The following SMCO2 variants were observed in gnomAD, a reference collection of about 807,000 sequenced individuals.
SMCO2 encodes the protein single-pass membrane protein with coiled-coil domains 2.
In SMCO2, 25 loss-of-function variants were observed where a neutral mutation model predicts 29.5. The observed-to-expected ratio is 0.85, with a 90% confidence interval of 0.62 to 1.18. The LOEUF (loss-of-function observed/expected upper bound fraction) is 1.18, where lower values mean the gene tolerates loss of function less well. SMCO2 is among the 50% of genes most tolerant of loss of function. SMCO2 has a pLI of 0.00. For synonymous variants in SMCO2, 117 were observed against 123.3 expected (o/e 0.95, Z 0.34); for missense variants, 348 against 344.5 (o/e 1.01, Z -0.08).
chr12:27,494,148 C>T (rs895539726), intron 5 of SMCO2, 152 bp from the exon 7 acceptor site: 2 of 473,728 alleles, frequency 4.2e-6, no homozygotes, highest in Non-Finnish European at 7.5e-6. Flanking sequence ...TATGATTACA[C>T]TATGAATTTG....
chr12:27,451,464 C>T, the SMCO2 span, among the ~76,000 whole-genome samples: 1 of 152,026 alleles, frequency 6.6e-6, no homozygotes, highest in Non-Finnish European at 1.5e-5. Context: ...TATGTAGCCT[C>T]GTTTTATATG....
intron 2 of SMCO2, 53 bp downstream of exon 2, chr12:27,470,818 G>A (rs411432): frequency 0.11 from 164,312 of 1,533,490 alleles, 9,683 homozygotes; most frequent in African/African-American, 0.19. Flanking sequence ...AACTGCAGAC[G>A]TTCTTGGGCC....
chr12:27,485,738 C>T (rs1949684340), intron 4 of SMCO2, among the ~76,000 whole-genome samples: 1 of 152,148 alleles, frequency 6.6e-6, no homozygotes, highest in Admixed American at 6.5e-5. Context: ...TGAGCCACGG[C>T]ACTCAGCCTT....
At chr12:27,432,127 T>C in the SMCO2 span, among the ~76,000 whole-genome samples, 3 of 152,204 alleles carry the variant, frequency 2.0e-5, no homozygotes, top group Non-Finnish European at 2.9e-5. Context: ...TTTGTTGAGT[T>C]GTAGGAGTTT....
rs74769761 is a variant in SMCO2, at chr12:27,487,535, C to T, written c.363-925C>T. 6.6e-3 allele frequency among the ~76,000 whole-genome samples: 1,008 copies of T among 152,186 alleles called. 9 individuals carry two copies. Among genetic ancestry groups the T allele is most frequent in the African/African-American group, 0.022 (915 of 41,516 alleles). ...TATGAATAAAGCTGCTTTGAATATA[C>T]GCGTACTATGGGAAATAAGTCTTCA... is the stretch of plus-strand genomic sequence containing the variant. On this transcript the variant is annotated intron_variant, in intron 4 of 7. Coordinates refer to ENST00000298876, the Ensembl canonical transcript of SMCO2.
the SMCO2 span, among the ~76,000 whole-genome samples, chr12:27,433,506 T>TACACAC: frequency 5.8e-3 from 851 of 147,964 alleles, 6 homozygotes; most frequent in African/African-American, 0.015. Flanking sequence ...CAGATGTGTA[T>TACACAC]ACACACACAC....
At chr12:27,442,366 G>C in the SMCO2 span, among the ~76,000 whole-genome samples, 5 of 152,042 alleles carry the variant, frequency 3.3e-5, no homozygotes, top group Non-Finnish European at 7.4e-5. Context: ...TGAAAAATGG[G>C]ACATAGAAAC....
the SMCO2 span, among the ~76,000 whole-genome samples, chr12:27,458,091 T>G: frequency 1.3e-5 from 2 of 152,256 alleles, no homozygotes; most frequent in African/African-American, 4.8e-5. Flanking sequence ...TATCCGCTTG[T>G]GCTTAAATTA....
the SMCO2 span, among the ~76,000 whole-genome samples, chr12:27,451,027 C>T: frequency 0.062 from 9,502 of 152,218 alleles, 343 homozygotes; most frequent in African/African-American, 0.086. Flanking sequence ...ATTGCCAAGC[C>T]GAGGCTCTCA....
At chr12:27,426,337 A>G in the SMCO2 span, among the ~76,000 whole-genome samples, 1 of 152,076 alleles carries the variant, frequency 6.6e-6, no homozygotes, top group African/African-American at 2.4e-5. Flanking sequence ...ACATGAGGAG[A>G]GACAACTTTG....
At chr12:27,488,649 CAT>C in intron 5 of SMCO2, 102 bp downstream of exon 6, 1 of 817,520 alleles carries the variant, frequency 1.2e-6, no homozygotes, top group Non-Finnish European at 1.8e-6. Flanking sequence ...AAGTAAGACT[CAT>C]AAGCAGGAGT....
chr12:27,476,848 C>T (rs1949590832), intron 4 of SMCO2, among the ~76,000 whole-genome samples: 1 of 151,914 alleles, frequency 6.6e-6, no homozygotes, highest in Non-Finnish European at 1.5e-5. Context: ...CATTTATATT[C>T]AAGGTTATTA....
intron 4 of SMCO2, among the ~76,000 whole-genome samples, chr12:27,479,940 A>C (rs1293778020): frequency 6.6e-6 from 1 of 152,156 alleles, no homozygotes; most frequent in Non-Finnish European, 1.5e-5. Context: ...GTCCCACGAT[A>C]CGCTGTCTGG....
intron 5 of SMCO2, among the ~76,000 whole-genome samples, chr12:27,488,831 C>A (rs1334100791): frequency 6.6e-6 from 1 of 152,112 alleles, no homozygotes; most frequent in African/African-American, 2.4e-5. Context: ...TTTTCTTAAT[C>A]TTTGTATGTC....
intron 4 of SMCO2, among the ~76,000 whole-genome samples, chr12:27,477,309 G>A (rs555740088): frequency 6.9e-6 from 1 of 144,518 alleles, no homozygotes; most frequent in Admixed American, 7.2e-5. Context: ...CCTGCTGTTA[G>A]TCTGATGGGG....
chr12:27,477,634 C>CTTTTTTTTTTTTTTTTTTT lies in SMCO2; in HGVS notation c.362+2737_362+2738insTTTTTTTTTTTTTTTTTTT, dbSNP rs3051833. Among the ~76,000 whole-genome samples, 3 of 109,662 alleles carry CTTTTTTTTTTTTTTTTTTT rather than the reference C, an allele frequency of 2.7e-5. 1 individual carries two copies. The highest frequency in any genetic ancestry group is 1.1e-4 in the African/African-American group (3 of 26,234). 71.9% of individuals were successfully genotyped at this position (109,662 alleles called of 152,430 possible). The stretch of plus-strand genomic sequence containing the variant: ...AGGGCTTTCTTCATTCTTTTTCATT[C>CTTTTTTTTTTTTTTTTTTT]TTTTTTTTTTTTTTTTGGCTGATTG... On this transcript the variant is annotated intron_variant, in intron 4 of 7. Coordinates refer to ENST00000298876, the Ensembl canonical transcript of SMCO2.
At chr12:27,478,587 G>A (rs1175395641) in intron 4 of SMCO2, among the ~76,000 whole-genome samples, 1 of 152,104 alleles carries the variant, frequency 6.6e-6, no homozygotes, top group Non-Finnish European at 1.5e-5. Flanking sequence ...GCCCCTAAGA[G>A]TCATGCATGG....
the SMCO2 span, among the ~76,000 whole-genome samples, chr12:27,449,550 CTT>C: frequency 3.3e-5 from 5 of 152,176 alleles, no homozygotes; most frequent in Non-Finnish European, 5.9e-5. Context: ...TTCTTGGAAA[CTT>C]TTTCTGCACA....
exon 5 of SMCO2, chr12:27,488,508 G>A (rs1949708048): frequency 6.5e-7 from 1 of 1,539,206 alleles, no homozygotes; most frequent in Non-Finnish European, 8.8e-7. Flanking sequence ...AAAAGCTGGA[G>A]GACCGGGGCC....
Sources: allele counts gnomAD v4.1 joint callset (sites outside exome capture counted in the v4.1 genomes callset), GRCh38; gene constraint gnomAD v4.1.1; transcripts MANE v1.5; gene names NCBI Gene and HGNC (gene_info 2026-07-23, HGNC 2026-07-21).